The following BET1L variants were observed in gnomAD, a reference collection of about 807,000 sequenced individuals.
The protein encoded by BET1L is BET1-like protein.
In BET1L, 13 loss-of-function variants were observed where a neutral mutation model predicts 12.6. That is an observed-to-expected ratio of 1.03 (90% CI 0.67 to 1.64). The LOEUF (loss-of-function observed/expected upper bound fraction) is 1.64. Ranked by LOEUF, BET1L falls within the 40% of genes most tolerant of loss-of-function variation. The pLI is 0.00. For synonymous variants in BET1L, 60 were observed against 56.9 expected, an observed-to-expected ratio of 1.05 and a Z score of -0.25; for missense variants, 154 against 150.7, an observed-to-expected ratio of 1.02 and a Z score of -0.11.
intron 1 of BET1L, chr11:206,928 C>A: frequency 3.4e-6 from 1 of 295,158 alleles, no homozygotes. Context: ...AGTAAGAGTC[C>A]TGCTTGGACA....
intron 2 of BET1L, 51 bp downstream of exon 2, chr11:205,901 C>A (rs1855139395): frequency 6.3e-7 from 1 of 1,585,642 alleles, no homozygotes; most frequent in Non-Finnish European, 8.7e-7. Flanking sequence ...CCCTCTGATC[C>A]CCATTCCCCA....
rs995103500 is a variant in BET1L at position 204,910 on chromosome 11, G to A, written c.*392C>T. 15 of 233,708 alleles carry A rather than the reference G, an allele frequency of 6.4e-5. No individual in the cohort carries two copies. Among genetic ancestry groups the A allele is most frequent in the Non-Finnish European group, 4.3e-5 (5 of 115,756 alleles). 14.5% of individuals were successfully genotyped at this position (233,708 alleles called of 1,614,324 possible). ...GCCTCACCCAGACAAGGACACGACC[G>A]TGCAGCCTTAAGATGTCAGAGTCCC... On this transcript the variant is annotated 3_prime_UTR_variant, in exon 4 of 4. Transcript: ENST00000382762.
intron 2 of BET1L, 44 bp downstream of exon 2, chr11:205,908 C>A: frequency 6.3e-7 from 1 of 1,596,050 alleles, no homozygotes; most frequent in Non-Finnish European, 8.6e-7. Flanking sequence ...ATCCCCATTC[C>A]CCAAAGGCAC....
chr11:205,708 A>G, intron 2 of BET1L, 41 bp from the exon 3 acceptor site: 1 of 1,586,742 alleles, frequency 6.3e-7, no homozygotes, highest in Non-Finnish European at 8.6e-7. Flanking sequence ...GCCAGAGCAG[A>G]CACATAATAC....
chr11:205,401 C>T lies in BET1L; in HGVS notation c.237G>A (p.Arg79=). The change falls in exon 4 of 4, where the codon AGG becomes AGA. Residue 79 remains arginine (R), a synonymous_variant. Coordinates refer to ENST00000382762, the MANE Select transcript of BET1L (RefSeq NM_001098787.2). ...GAAGCTTCCGGTTGTCTTGTCCGGACCTTGCCATTGTGGAAAAGCGCTTCA... is the reference window on the plus strand; with the variant it reads ...GAAGCTTCCGGTTGTCTTGTCCGGATCTTGCCATTGTGGAAAAGCGCTTCA... ...GSVKRFSTMA[R]SGQDNRKLLC... 6.2e-7 allele frequency: 1 copy of T among 1,614,248 alleles called. No individual in the cohort carries two copies. The highest frequency in any genetic ancestry group is 8.5e-7 in the Non-Finnish European group (1 of 1,180,056).
At position 205,382 on chromosome 11, in the gene BET1L, T is replaced by G. The variant is rs1295440659; in HGVS notation, c.256A>C (p.Lys86Gln). 3 of 1,614,152 alleles carry G rather than the reference T, an allele frequency of 1.9e-6. No individual in the cohort carries two copies. The South Asian group carries it at 3.3e-5, about 18-fold the overall frequency. The change falls in exon 4 of 4, where the codon AAG (lysine) becomes CAG (glutamine). Residue 86 changes from lysine to glutamine, a missense_variant. Lys to Gln is a moderately conservative substitution (Grantham distance 53). Transcript: ENST00000382762. Reference sequence around the variant, plus strand: ...CCCACGGCCATGCCACATAGAAGCTTCCGGTTGTCTTGTCCGGACCTTGCC... The same window carrying G: ...CCCACGGCCATGCCACATAGAAGCTGCCGGTTGTCTTGTCCGGACCTTGCC... ...TMARSGQDNRKLLCGMAVGLI... is the reference protein window; with the variant it reads ...TMARSGQDNRQLLCGMAVGLI...
rs568973699 is a variant in BET1L, at chr11:205,156, G to C, written c.*146C>G. ...GCTCATCAGGTCACAGGCAGCCGCA[G>C]CCTCCTGCCACACAGGAAGAAGATT... On this transcript the variant is annotated 3_prime_UTR_variant, in exon 4 of 4. Transcript: ENST00000382762. The C allele has an allele frequency of 5.3e-6, 6 of 1,141,254 alleles. No homozygotes were observed. The South Asian group carries it at 9.8e-5, about 19-fold the overall frequency. 70.7% of individuals were successfully genotyped at this position (1,141,254 alleles called of 1,614,324 possible).
At chr11:205,789 C>A (rs563863847) in intron 2 of BET1L, 122 bp from the exon 3 acceptor site, 161 of 1,475,768 alleles carry the variant, frequency 1.1e-4, no homozygotes, top group Non-Finnish European at 1.4e-4. Context: ...CTGCAGCAGA[C>A]AGAAAGGTCC....
chr11:205,533 G>A (rs1226405633), intron 3 of BET1L, 64 bp from the exon 4 acceptor site: 1 of 1,614,198 alleles, frequency 6.2e-7, no homozygotes, highest in Admixed American at 1.7e-5. Flanking sequence ...CCGCACCAGT[G>A]CTGAAGGAGA....
Position 205,618 on chromosome 11 carries a change from T to C in BET1L, c.161A>G (p.Asp54Gly), listed in dbSNP as rs1855130487. 1.2e-6 allele frequency: 2 copies of C among 1,613,776 alleles called. No individual in the cohort carries two copies. The highest frequency in any genetic ancestry group is 1.7e-6 in the Non-Finnish European group (2 of 1,179,952). ...CACACCGTGGGCCCTTACCATGCCATCCAGGTACCGGTTCTGATCCTCTGC... is the reference window on the plus strand; with the variant it reads ...CACACCGTGGGCCCTTACCATGCCACCCAGGTACCGGTTCTGATCCTCTGC... ...RDAEDQNRYLDGMDSDFTSMT... is the reference protein window; with the variant it reads ...RDAEDQNRYLGGMDSDFTSMT... Residue 54 changes from aspartate to glycine, a missense_variant, in exon 3 of 4, where the codon GAT becomes GGT. Coordinates refer to ENST00000382762, the MANE Select transcript of BET1L (RefSeq NM_001098787.2).
chr11:207,019 C>G (rs1855181646), intron 1 of BET1L: 1 of 489,900 alleles, frequency 2.0e-6, no homozygotes, highest in African/African-American at 2.1e-5. Flanking sequence ...CGAACCCATG[C>G]AGAACGATCT....
chr11:205,845 G>C, intron 2 of BET1L, 107 bp downstream of exon 2: 1 of 1,457,732 alleles, frequency 6.9e-7, no homozygotes, highest in Non-Finnish European at 9.5e-7. Flanking sequence ...CCACGAATTG[G>C]ATGAGGATGG....
chr11:205,283 G>C lies in BET1L; in HGVS notation c.*19C>G. On this transcript the variant is annotated 3_prime_UTR_variant, in exon 4 of 4. Transcript: ENST00000382762. Reference sequence around the variant, plus strand: ...ACCCTGGCTGCCCTTGGCACCCACAGACACCAGCTCCCACTGGCTCACGTC... The same window carrying C: ...ACCCTGGCTGCCCTTGGCACCCACACACACCAGCTCCCACTGGCTCACGTC... 6.2e-7 allele frequency: 1 copy of C among 1,603,934 alleles called. No individual in the cohort carries two copies. Among genetic ancestry groups the C allele is most frequent in the Non-Finnish European group, 8.5e-7 (1 of 1,173,222 alleles).
chr11:206,024 C>T lies in BET1L; in HGVS notation c.39G>A (p.Val13=), dbSNP rs546055755. 1 of 1,613,962 alleles carries T rather than the reference C, an allele frequency of 6.2e-7. No individual in the cohort carries two copies. Among genetic ancestry groups the T allele is most frequent in the South Asian group, 1.1e-5 (1 of 91,088 alleles). The stretch of plus-strand genomic sequence containing the variant: ...TGTTCTCCCGGTCTAGAATCTCTTC[C>T]ACAGCGCCCGGGCTCTGAGCTGAGA... The part of the protein sequence containing the change: ...DWARAQSPGA[V]EEILDRENKR... Residue 13 remains valine (V), a synonymous_variant, in exon 2 of 4, where the codon GTG becomes GTA. Coordinates refer to ENST00000382762, the MANE Select transcript of BET1L (RefSeq NM_001098787.2).
In BET1L at chr11:203,273, C is replaced by CA. The variant is rs1300363380; in HGVS notation, c.*2028dup. On this transcript the variant is annotated 3_prime_UTR_variant, in exon 4 of 4. Transcript: ENST00000382762. ...AGAAGAGCAAACCACAAAGGAATTC[C>CA]AGCTCAGACCCCAAAGTACCTGGGA... 3 of 152,344 alleles carry CA rather than the reference C, an allele frequency of 2.0e-5. No homozygotes were observed. The highest frequency in any genetic ancestry group is 7.2e-5 in the African/African-American group (3 of 41,570). 9.4% of individuals were successfully genotyped at this position (152,344 alleles called of 1,614,324 possible).
chr11:205,891 C>A, intron 2 of BET1L, 61 bp downstream of exon 2: 1 of 1,568,170 alleles, frequency 6.4e-7, no homozygotes, highest in Non-Finnish European at 8.8e-7. Flanking sequence ...CCTCTGCCTT[C>A]CCTCTGATCC....
intron 1 of BET1L, chr11:206,968 C>T: frequency 2.5e-6 from 1 of 407,026 alleles, no homozygotes; most frequent in Non-Finnish European, 4.4e-6. Context: ...ACTCCTAGGG[C>T]CTGGCCTCGG....
Position 204,464 on chromosome 11 carries a change from A to G in BET1L, c.*838T>C, listed in dbSNP as rs1395478756. The G allele has an allele frequency of 6.6e-6, 1 of 152,010 alleles. No individual in the cohort carries two copies. The highest frequency in any genetic ancestry group is 1.9e-4 in the East Asian group (1 of 5,164). 9.4% of individuals were successfully genotyped at this position (152,010 alleles called of 1,614,324 possible). On this transcript the variant is annotated 3_prime_UTR_variant, in exon 4 of 4. Coordinates refer to ENST00000382762, the MANE Select transcript of BET1L (RefSeq NM_001098787.2). The stretch of plus-strand genomic sequence containing the variant: ...CCCTCACAGGAACCTTCTTGTGTAG[A>G]CCCACAGAAGCTCCCTGGCCCTGCC...
At position 205,373 on chromosome 11, in the gene BET1L, A is replaced by G; in HGVS notation, c.265T>C (p.Cys89Arg). 1 of 1,614,212 alleles carries G rather than the reference A, an allele frequency of 6.2e-7. No individual in the cohort carries two copies. The highest frequency in any genetic ancestry group is 8.5e-7 in the Non-Finnish European group (1 of 1,180,038). The stretch of plus-strand genomic sequence containing the variant: ...ACAATTAGACCCACGGCCATGCCAC[A>G]TAGAAGCTTCCGGTTGTCTTGTCCG... ...RSGQDNRKLL[C>R]GMAVGLIVAF... Residue 89 changes from cysteine (C) to arginine (R), a missense_variant, in exon 4 of 4, where the codon TGT becomes CGT. Coordinates refer to ENST00000382762, the MANE Select transcript of BET1L (RefSeq NM_001098787.2).
Sources: gnomAD v4.1 joint callset for allele counts on GRCh38, gnomAD v4.1.1 for gene constraint, MANE v1.5 for transcripts, NCBI Gene and HGNC (gene_info 2026-07-23, HGNC 2026-07-21) for gene names.